Variants in SRGAP3 observed in about 807,000 individuals in gnomAD.
The protein encoded by SRGAP3 is SLIT-ROBO Rho GTPase activating protein 3, also known as SLIT-ROBO Rho GTPase-activating protein 3.
Under a neutral mutation model 121.1 loss-of-function variants are expected in SRGAP3, and 39 were observed. That is an observed-to-expected ratio of 0.32 (90% CI 0.25 to 0.42). SRGAP3 has a LOEUF of 0.42. Among genes scored for constraint, SRGAP3 ranks in the 10% least tolerant of loss-of-function variants. The pLI is 1.00. For missense variants in SRGAP3, 1,213 were observed against 1,470.6 expected, an observed-to-expected ratio of 0.82 and a Z score of 2.86; for synonymous variants, 601 against 570.0, an observed-to-expected ratio of 1.05 and a Z score of -0.77.
intron 1 of SRGAP3, among the ~76,000 whole-genome samples, chr3:9,192,325 G>A (rs1196863937): frequency 1.3e-5 from 2 of 152,196 alleles, no homozygotes; most frequent in African/African-American, 4.8e-5. Context: ...TCATGATAAA[G>A]GCCTGTTTTT....
At chr3:9,291,096 G>A (rs191495405) in intron 3 of SRGAP3, among the ~76,000 whole-genome samples, 2 of 152,268 alleles carry the variant, frequency 1.3e-5, no homozygotes, top group Non-Finnish European at 2.9e-5. Context: ...AGGAAAAGGA[G>A]TGCAATAAAA....
intron 18 of SRGAP3, among the ~76,000 whole-genome samples, chr3:9,003,340 A>G (rs973861504): frequency 9.2e-5 from 14 of 152,118 alleles, no homozygotes; most frequent in Admixed American, 9.2e-4. Flanking sequence ...TTAGCCTGGT[A>G]TGGTATCGGG....
rs1314141710 is a variant in SRGAP3, at chr3:9,159,943, T to C, written c.68-35026A>G. The stretch of plus-strand genomic sequence containing the variant: ...CCTGTAAGGCCCACCTGAGAAGGAA[T>C]GGACACTCATCTCTCCCATCATCAT... On this transcript the variant is annotated intron_variant, in intron 1 of 21. Transcript: ENST00000383836. 2.6e-5 allele frequency among the ~76,000 whole-genome samples: 4 copies of C among 152,260 alleles called. No homozygotes were observed. In the East Asian group the frequency reaches 5.8e-4, roughly 22 times the overall value.
intron 7 of SRGAP3, 118 bp downstream of exon 7, chr3:9,058,133 G>T: frequency 1.8e-6 from 2 of 1,094,856 alleles, no homozygotes; most frequent in Non-Finnish European, 2.8e-6. Context: ...TGAACCAGGA[G>T]CTTGACCCCA....
intron 4 of SRGAP3, among the ~76,000 whole-genome samples, chr3:9,075,541 G>A (rs1303736108): frequency 6.6e-6 from 1 of 152,212 alleles, no homozygotes; most frequent in East Asian, 1.9e-4. Flanking sequence ...CAAAATGCCT[G>A]GCCTTGCAGT....
chr3:8,986,291 G>A (rs915552462), intron 21 of SRGAP3, among the ~76,000 whole-genome samples: 12 of 152,156 alleles, frequency 7.9e-5, no homozygotes, highest in African/African-American at 2.9e-4. Context: ...GTAAATGGCA[G>A]ATAATTATAA....
At chr3:9,059,917 A>C (rs1288182453) in intron 6 of SRGAP3, 6 of 400,024 alleles carry the variant, frequency 1.5e-5, no homozygotes, top group Non-Finnish European at 9.6e-6. Context: ...TTCCCCCCTG[A>C]ACCCCTCAAA....
At chr3:9,100,822 C>T (rs993909252) in intron 3 of SRGAP3, among the ~76,000 whole-genome samples, 2 of 152,158 alleles carry the variant, frequency 1.3e-5, no homozygotes, top group Admixed American at 6.5e-5. Flanking sequence ...TAGAGTATTC[C>T]GACTGGTTCT....
At chr3:9,255,143 T>C (rs747800403) in intron 3 of SRGAP3, among the ~76,000 whole-genome samples, 1 of 152,218 alleles carries the variant, frequency 6.6e-6, no homozygotes, top group Non-Finnish European at 1.5e-5. Context: ...TTTTATGTTA[T>C]GTGAATTTGA....
intron 1 of SRGAP3, among the ~76,000 whole-genome samples, chr3:9,160,113 T>C (rs993043854): frequency 5.9e-5 from 9 of 152,348 alleles, no homozygotes; most frequent in African/African-American, 2.2e-4. Flanking sequence ...GGGCAAGTCA[T>C]TTAATTGCTC....
intron 3 of SRGAP3, among the ~76,000 whole-genome samples, chr3:9,291,255 C>A (rs187170486): frequency 2.3e-4 from 35 of 152,260 alleles, no homozygotes; most frequent in Middle Eastern, 6.8e-3. Context: ...TGCGAATTGT[C>A]ACCTATTCCA....
At chr3:9,203,433 C>T (rs1311743318) in intron 1 of SRGAP3, among the ~76,000 whole-genome samples, 1 of 152,204 alleles carries the variant, frequency 6.6e-6, no homozygotes, top group East Asian at 1.9e-4. Context: ...TTACAACTAT[C>T]TTGTTCATTT....
Position 9,109,157 on chromosome 3 carries a change from C to T in SRGAP3, c.261-4315G>A, listed in dbSNP as rs571035957. On this transcript the variant is annotated intron_variant, in intron 2 of 21. Transcript: ENST00000383836. This position sits in a 1 kb window ranked among gnomAD's most constrained non-coding sequence, Gnocchi z 4.4. Reference sequence around the variant, plus strand: ...TACCTAAATTACTTCAGGGGCTTAGCTGAACCTGGGAGGCAAGAAGTGAAC... The same window carrying T: ...TACCTAAATTACTTCAGGGGCTTAGTTGAACCTGGGAGGCAAGAAGTGAAC... Among the ~76,000 whole-genome samples the T allele has an allele frequency of 6.6e-6, 1 of 152,252 alleles. No homozygotes were observed. The highest frequency in any genetic ancestry group is 2.1e-4 in the South Asian group (1 of 4,818).
At chr3:9,231,679 A>G (rs973128827) in intron 1 of SRGAP3, among the ~76,000 whole-genome samples, 1 of 152,190 alleles carries the variant, frequency 6.6e-6, no homozygotes, top group Admixed American at 6.5e-5. Flanking sequence ...TCTGCACTCA[A>G]TGAGCTCACA....
At position 9,161,588 on chromosome 3, in the gene SRGAP3, T is replaced by A. The variant is rs567510620; in HGVS notation, c.68-36671A>T. On this transcript the variant is annotated intron_variant, in intron 1 of 21. Transcript: ENST00000383836. ...CCTTGGGCACTCAATAAATGCTGAA[T>A]TGAGTCCTTTCTGCAGCTCCAGGAG... Among the ~76,000 whole-genome samples, 3 of 152,334 alleles carry A rather than the reference T, an allele frequency of 2.0e-5. No individual in the cohort carries two copies. In the South Asian group the frequency reaches 6.2e-4, roughly 32 times the overall value.
At chr3:9,197,226 A>G (rs2125150580) in intron 1 of SRGAP3, among the ~76,000 whole-genome samples, 1 of 152,382 alleles carries the variant, frequency 6.6e-6, no homozygotes, top group South Asian at 2.1e-4. Flanking sequence ...AATGCTAGAA[A>G]GGAAAGAAAA....
intron 5 of SRGAP3, 44 bp downstream of exon 5, chr3:9,064,352 T>G: frequency 6.2e-7 from 1 of 1,613,346 alleles, no homozygotes; most frequent in Non-Finnish European, 8.5e-7. Context: ...CCCTCCCCTT[T>G]GTGCCCTGTC....
At chr3:9,237,100 AG>A (rs931325962) in intron 1 of SRGAP3, among the ~76,000 whole-genome samples, 2 of 152,210 alleles carry the variant, frequency 1.3e-5, no homozygotes, top group African/African-American at 4.8e-5. Flanking sequence ...CGTCTCAATC[AG>A]GGTTTGGGGA....
At chr3:9,275,565 A>C (rs925950997) in intron 3 of SRGAP3, among the ~76,000 whole-genome samples, 4 of 152,142 alleles carry the variant, frequency 2.6e-5, no homozygotes, top group Non-Finnish European at 5.9e-5. Flanking sequence ...GTGGGAGATA[A>C]TTGAATCATG....
Sources: gnomAD v4.1 joint callset for allele counts (sites outside exome capture counted in the v4.1 genomes callset) on GRCh38, gnomAD v4.1.1 for gene constraint, Gnocchi (gnomAD v3.1) non-coding constraint, MANE v1.5 for transcripts, NCBI Gene and HGNC (gene_info 2026-07-23, HGNC 2026-07-21) for gene names.